The following HYDIN variants were observed in gnomAD, a reference collection of about 807,000 sequenced individuals.
HYDIN encodes the protein axonemal central pair apparatus protein HYDIN.
In HYDIN, 132 loss-of-function variants were observed where a neutral mutation model predicts 403.9. That is an observed-to-expected ratio of 0.33 (90% CI 0.28 to 0.38). The LOEUF (loss-of-function observed/expected upper bound fraction) is 0.38, where lower values mean the gene tolerates loss of function less well. Ranked by LOEUF, HYDIN falls within the 10% of genes least tolerant of loss-of-function variation. The pLI, the probability that HYDIN is intolerant of heterozygous loss-of-function variation, is 1.00. For synonymous variants in HYDIN, 1,202 were observed against 1,891.7 expected (o/e 0.64, Z 9.46); for missense variants, 2,827 against 5,009.5 (o/e 0.56, Z 13.15).
At chr16:71,224,403 T>C (rs898104558) in intron 1 of HYDIN, among the ~76,000 whole-genome samples, 3 of 152,178 alleles carry the variant, frequency 2.0e-5, no homozygotes, top group Non-Finnish European at 4.4e-5. Flanking sequence ...CTCATCCATG[T>C]AACGAAAAAC....
chr16:71,212,419 T>C (rs986273907), intron 1 of HYDIN, among the ~76,000 whole-genome samples: 1 of 152,180 alleles, frequency 6.6e-6, no homozygotes, highest in African/African-American at 2.4e-5. Context: ...AAAGGGTATA[T>C]GGGTTTTCAT....
At chr16:71,225,754 T>C (rs2041007418) in intron 1 of HYDIN, among the ~76,000 whole-genome samples, 1 of 151,752 alleles carries the variant, frequency 6.6e-6, no homozygotes, top group African/African-American at 2.4e-5. Context: ...GGTTTAACAT[T>C]TGATTGGGTA....
chr16:71,026,670 A>G (rs1260864180), intron 20 of HYDIN, among the ~76,000 whole-genome samples: 1 of 152,256 alleles, frequency 6.6e-6, no homozygotes, highest in Non-Finnish European at 1.5e-5. Flanking sequence ...TATCTTTTCC[A>G]CAATGAGAGA....
At chr16:71,217,425 A>G (rs1246310939) in intron 1 of HYDIN, among the ~76,000 whole-genome samples, 1 of 152,212 alleles carries the variant, frequency 6.6e-6, no homozygotes, top group Non-Finnish European at 1.5e-5. Context: ...ACAGTCCTGC[A>G]TTAATTACTT....
intron 73 of HYDIN, 25 bp from the exon 74 acceptor site, chr16:70,850,680 T>C: frequency 6.3e-7 from 1 of 1,577,934 alleles, no homozygotes; most frequent in Non-Finnish European, 8.7e-7. Flanking sequence ...AAACAGCAGA[T>C]TACCTGACTA....
chr16:71,181,216 G>GT (rs940165350), intron 3 of HYDIN, among the ~76,000 whole-genome samples: 33 of 146,234 alleles, frequency 2.3e-4, no homozygotes, highest in East Asian at 9.9e-4. Context: ...AATCCCAGCA[G>GT]TTTTTTTTTT....
chr16:71,032,562 C>T (rs538906928), intron 18 of HYDIN, among the ~76,000 whole-genome samples: 116 of 135,722 alleles, frequency 8.5e-4, no homozygotes, highest in Non-Finnish European at 1.5e-3. Context: ...TAGGTGATTT[C>T]GTTGCTGTGC....
chr16:70,896,145 G>A (rs2076196253), intron 53 of HYDIN, 65 bp from the exon 54 acceptor site: 1 of 1,596,944 alleles, frequency 6.3e-7, no homozygotes, highest in African/African-American at 1.3e-5. Context: ...CCTGAAACAT[G>A]TAATATCCTA....
At chr16:71,180,531 CCTCCTTTATATATCTGAGAAAGA>C (rs553814099) in intron 3 of HYDIN, among the ~76,000 whole-genome samples, 2 of 152,094 alleles carry the variant, frequency 1.3e-5, no homozygotes, top group African/African-American at 4.8e-5. Flanking sequence ...GTTAGCATAA[CCTCCTTTATATATCTGAGAAAGA>C]CACTAAGGGA....
chr16:71,151,818 A>T (rs1263954756), intron 7 of HYDIN, among the ~76,000 whole-genome samples: 1 of 151,064 alleles, frequency 6.6e-6, no homozygotes, highest in Non-Finnish European at 1.5e-5. Context: ...CATGACCATA[A>T]ATTAAATATT....
intron 1 of HYDIN, among the ~76,000 whole-genome samples, chr16:71,189,178 T>C (rs1428682840): frequency 6.6e-6 from 1 of 152,128 alleles, no homozygotes; most frequent in Non-Finnish European, 1.5e-5. Flanking sequence ...TCTATCCAAA[T>C]GATACACTAG....
At chr16:70,980,527 A>ATATATATATATAAATATAAATATAAAT (rs2079015050) in intron 29 of HYDIN, among the ~76,000 whole-genome samples, 2 of 146,744 alleles carry the variant, frequency 1.4e-5, no homozygotes, top group African/African-American at 5.0e-5. Context: ...GGTCTTGCCT[A>ATATATATATATAAATATAAATATAAAT]TATATATATA....
chr16:71,108,713 T>TA (rs985829306), intron 10 of HYDIN, among the ~76,000 whole-genome samples: 2 of 151,874 alleles, frequency 1.3e-5, no homozygotes, highest in Admixed American at 6.6e-5. Flanking sequence ...ATTTGTCAAT[T>TA]AAAAAAAAAT....
Position 70,874,557 on chromosome 16 carries a change from G to A in HYDIN, c.10696C>T (p.Pro3566Ser), listed in dbSNP as rs2040331347. The A allele has an allele frequency of 8.4e-6, 5 of 594,396 alleles. No homozygotes were observed. Among genetic ancestry groups the A allele is most frequent in the South Asian group, 4.4e-5 (2 of 45,364 alleles). The allele number at this position is 594,396 out of a possible 1,614,324, so 36.8% of individuals were successfully genotyped here. Residue 3566 changes from proline (P) to serine (S), a missense_variant, in exon 64 of 86, where the codon CCT (proline) becomes TCT (serine). Coordinates refer to ENST00000393567, the MANE Select transcript of HYDIN (RefSeq NM_001270974.2). ...KAHTASLVVS[P>S]GDTAEFDVVF... ...ACATCAAATTCAGCTGTATCTCCAG[G>A]AGAAACAACCAAGGAGGCTGTGTGA...
Position 70,892,494 on chromosome 16 carries a change from T to C in HYDIN, c.9284A>G (p.Asn3095Ser). ...SVDSVGISTP[N>S]INSMISVQPK... Reference sequence around the variant, plus strand: ...TTGGACTGAGATCATGGAATTTATATTAGGTGTTGAAATCCCTACAGAGTC... The same window carrying C: ...TTGGACTGAGATCATGGAATTTATACTAGGTGTTGAAATCCCTACAGAGTC... The change falls in exon 56 of 86, where the codon AAT becomes AGT. Residue 3095 changes from asparagine to serine, a missense_variant. Physicochemically the swap from Asn to Ser is conservative, Grantham distance 46. Transcript: ENST00000393567. The C allele has an allele frequency of 6.2e-7, 1 of 1,604,002 alleles. No homozygotes were observed. The highest frequency in any genetic ancestry group is 8.5e-7 in the Non-Finnish European group (1 of 1,176,122).
chr16:70,954,452 C>G (rs1474824573), intron 40 of HYDIN, among the ~76,000 whole-genome samples: 9 of 65,832 alleles, frequency 1.4e-4, no homozygotes. Context: ...TACCTTGTCT[C>G]AAAAAAAAAA....
At chr16:70,949,797 T>C (rs2078004390) in intron 41 of HYDIN, among the ~76,000 whole-genome samples, 1 of 152,262 alleles carries the variant, frequency 6.6e-6, no homozygotes, top group South Asian at 2.1e-4. Context: ...TACTGTGATC[T>C]GTAGGTTACC....
At chr16:70,921,588 T>C (rs557106468) in intron 45 of HYDIN, among the ~76,000 whole-genome samples, 1 of 152,308 alleles carries the variant, frequency 6.6e-6, no homozygotes, top group Admixed American at 6.5e-5. Context: ...CCACAGCGTG[T>C]AGTGGTCCAA....
At chr16:71,030,263 G>T (rs1349552082) in intron 19 of HYDIN, among the ~76,000 whole-genome samples, 2 of 151,802 alleles carry the variant, frequency 1.3e-5, no homozygotes, top group African/African-American at 2.4e-5. Flanking sequence ...TGTTGCCCAG[G>T]CTGGTCTCCA....
Sources: gnomAD v4.1 joint callset for allele counts (sites outside exome capture counted in the v4.1 genomes callset) on GRCh38, gnomAD v4.1.1 for gene constraint, MANE v1.5 for transcripts, NCBI Gene and HGNC (gene_info 2026-07-23, HGNC 2026-07-21) for gene names.